Variants in FABP7 observed in about 807,000 individuals in gnomAD.
FABP7 encodes the protein fatty acid-binding protein, brain.
A neutral mutation model predicts 14.2 loss-of-function variants in FABP7; 13 were observed. That is an observed-to-expected ratio of 0.91 (90% CI 0.59 to 1.45). The LOEUF (loss-of-function observed/expected upper bound fraction) is 1.45. FABP7 is among the 40% of genes most tolerant of loss of function. The pLI, the probability that FABP7 is intolerant of heterozygous loss-of-function variation, is 0.00. For missense variants in FABP7, 149 were observed against 157.6 expected (o/e 0.95, Z 0.29); for synonymous variants, 49 against 51.4 (o/e 0.95, Z 0.20).
At chr6:122,750,492 A>C in the FABP7 span, among the ~76,000 whole-genome samples, 2 of 152,214 alleles carry the variant, frequency 1.3e-5, no homozygotes, top group Non-Finnish European at 2.9e-5. Context: ...GTACAACCAG[A>C]CATGTGCAAT....
the FABP7 span, among the ~76,000 whole-genome samples, chr6:122,763,841 G>A: frequency 2.0e-5 from 3 of 152,046 alleles, no homozygotes; most frequent in East Asian, 3.9e-4. Flanking sequence ...CCACAATGAG[G>A]TACCATCTCA....
upstream of FABP7, among the ~76,000 whole-genome samples, chr6:122,776,467 T>C (rs1313492266): frequency 6.6e-6 from 1 of 151,930 alleles, no homozygotes; most frequent in African/African-American, 2.4e-5. Flanking sequence ...CCAAAAAAAA[T>C]CAATCTCATG....
chr6:122,753,784 GC>G, the FABP7 span, among the ~76,000 whole-genome samples: 58 of 35,508 alleles, frequency 1.6e-3, 1 homozygote, highest in African/African-American at 2.7e-3. Flanking sequence ...TCCAAATCCC[GC>G]CCCCCCCCCG....
the FABP7 span, among the ~76,000 whole-genome samples, chr6:122,755,972 C>T: frequency 1.3e-5 from 2 of 152,070 alleles, no homozygotes; most frequent in Non-Finnish European, 2.9e-5. Flanking sequence ...GTGCTGCGGG[C>T]GTTTATACAG....
At chr6:122,782,478 A>G in intron 3 of FABP7, 1 of 960,620 alleles carries the variant, frequency 1.0e-6, no homozygotes. Flanking sequence ...TTTGTCCTAA[A>G]TTGATCAAAT....
chr6:122,759,094 T>A, the FABP7 span, among the ~76,000 whole-genome samples: 49 of 152,342 alleles, frequency 3.2e-4, no homozygotes, highest in African/African-American at 1.1e-3. Flanking sequence ...TTTCACATAC[T>A]TAGAATGAAT....
At chr6:122,783,364 T>C in intron 3 of FABP7, 1 of 984,876 alleles carries the variant, frequency 1.0e-6, no homozygotes, top group Non-Finnish European at 1.2e-6. Context: ...AACTGTTATG[T>C]AAACCTATTA....
chr6:122,758,915 A>G, the FABP7 span, among the ~76,000 whole-genome samples: 14 of 152,220 alleles, frequency 9.2e-5, no homozygotes, highest in Non-Finnish European at 1.3e-4. Context: ...CCACTGCTCA[A>G]TAGGACAGCA....
chr6:122,767,095 T>C, the FABP7 span, among the ~76,000 whole-genome samples: 4 of 152,066 alleles, frequency 2.6e-5, no homozygotes, highest in African/African-American at 9.7e-5. Flanking sequence ...AAAACATTAT[T>C]ATGCAATATT....
At chr6:122,764,169 A>G in the FABP7 span, among the ~76,000 whole-genome samples, 2 of 152,214 alleles carry the variant, frequency 1.3e-5, no homozygotes, top group East Asian at 3.8e-4. Flanking sequence ...CTGGATTCAG[A>G]AGATGTGGCA....
upstream of FABP7, among the ~76,000 whole-genome samples, chr6:122,778,852 C>G (rs967657381): frequency 2.6e-5 from 4 of 152,150 alleles, no homozygotes; most frequent in Admixed American, 6.6e-5. Context: ...TCCTAGAATG[C>G]AGGTAATTTA....
the FABP7 span, among the ~76,000 whole-genome samples, chr6:122,766,086 A>G: frequency 2.0e-5 from 3 of 152,084 alleles, no homozygotes; most frequent in East Asian, 5.8e-4. Flanking sequence ...GGTAACTGAT[A>G]GAGTTCTGCT....
At chr6:122,761,892 C>T in the FABP7 span, among the ~76,000 whole-genome samples, 4 of 152,134 alleles carry the variant, frequency 2.6e-5, no homozygotes, top group African/African-American at 9.6e-5. Context: ...ATTGAGGCAA[C>T]AATTAATAGC....
Position 122,780,318 on chromosome 6 carries a change from G to A in FABP7, c.101G>A (p.Gly34Glu), listed in dbSNP as rs866660974. Residue 34 changes from glycine to glutamate, a missense_variant, in exon 2 of 4, where the codon GGA becomes GAA. Coordinates refer to ENST00000368444, the MANE Select transcript of FABP7 (RefSeq NM_001446.5). ...LGVGFATRQVGNVTKPTVIIS... is the reference protein window; with the variant it reads ...LGVGFATRQVENVTKPTVIIS... ...GTGGGCTTTGCCACTAGGCAGGTGG[G>A]AAATGTGACCAAACCAACGGTAATT... 1.9e-6 allele frequency: 3 copies of A among 1,614,148 alleles called. No individual in the cohort carries two copies. Among genetic ancestry groups the A allele is most frequent in the Non-Finnish European group, 2.5e-6 (3 of 1,180,034 alleles).
chr6:122,751,047 T>G, the FABP7 span, among the ~76,000 whole-genome samples: 1 of 152,240 alleles, frequency 6.6e-6, no homozygotes. Flanking sequence ...AATTTAGGTA[T>G]GCAATAAAAT....
At position 122,779,811 on chromosome 6, in the gene FABP7, G is replaced by A. The variant is rs760638749; in HGVS notation, c.17G>A (p.Cys6Tyr). ...AGGGCAAGGATGGTGGAGGCTTTCT[G>A]TGCTACCTGGAAGCTGACCAACAGT... is the stretch of plus-strand genomic sequence containing the variant. MVEAF[C>Y]ATWKLTNSQN... is the part of the protein sequence containing the mutation. The change falls in exon 1 of 4, where the codon TGT becomes TAT. Residue 6 changes from cysteine (C) to tyrosine (Y), a missense_variant. By Grantham distance (194) the Cys-to-Tyr change is radical. Transcript: ENST00000368444. The A allele has an allele frequency of 6.2e-6, 10 of 1,614,174 alleles. No homozygotes were observed. The highest frequency in any genetic ancestry group is 8.5e-6 in the Non-Finnish European group (10 of 1,180,030).
At chr6:122,778,052 T>A (rs1780705132), upstream of FABP7, among the ~76,000 whole-genome samples, 1 of 152,098 alleles carries the variant, frequency 6.6e-6, no homozygotes. Context: ...TTGACTGTAC[T>A]TCTTGGCTCC....
intron 3 of FABP7, chr6:122,782,198 T>C (rs1248612617): frequency 2.0e-6 from 2 of 981,478 alleles, no homozygotes; most frequent in Non-Finnish European, 2.4e-6. Context: ...GAATTATCTG[T>C]AAAAGAGGAT....
the FABP7 span, among the ~76,000 whole-genome samples, chr6:122,773,808 G>A: frequency 6.6e-6 from 1 of 152,018 alleles, no homozygotes; most frequent in Non-Finnish European, 1.5e-5. Flanking sequence ...GCAAGGCCAG[G>A]AGATTCAGCG....
Sources: allele counts gnomAD v4.1 joint callset (sites outside exome capture counted in the v4.1 genomes callset), GRCh38; gene constraint gnomAD v4.1.1; transcripts MANE v1.5; gene names NCBI Gene and HGNC (gene_info 2026-07-23, HGNC 2026-07-21).